AAR2: variants seen among roughly 807,000 people sequenced by gnomAD.
The protein encoded by AAR2 is AAR2 splicing factor.
In AAR2, 31 loss-of-function variants were observed where a neutral mutation model predicts 26.9. That is an observed-to-expected ratio of 1.15 (90% confidence interval 0.86 to 1.55). The LOEUF (loss-of-function observed/expected upper bound fraction) is 1.55. AAR2 is among the 40% of genes most tolerant of loss of function. AAR2 has a pLI of 0.00. For missense variants in AAR2, 430 were observed against 491.3 expected, an observed-to-expected ratio of 0.88 and a Z score of 1.18; for synonymous variants, 188 against 196.1, an observed-to-expected ratio of 0.96 and a Z score of 0.34.
At chr20:36,245,191 T>G (rs1374089882) in intron 3 of AAR2, among the ~76,000 whole-genome samples, 3 of 152,162 alleles carry the variant, frequency 2.0e-5, no homozygotes, top group Admixed American at 2.0e-4. Flanking sequence ...CTCCCACTGC[T>G]TTGGTTTACT....
rs146048639 is a variant in AAR2 at position 36,245,482 on chromosome 20, G to A, written c.987+556G>A. Among the ~76,000 whole-genome samples the A allele has an allele frequency of 9.2e-3, 1,400 of 152,292 alleles. 27 individuals carry two copies. The highest frequency in any genetic ancestry group is 0.031 in the African/African-American group (1,306 of 41,554). On this transcript the variant is annotated intron_variant, in intron 3 of 3. Transcript: ENST00000320849. ...AAACAACTTACAATCTTCATCCTAT[G>A]CTATTTCCTCCCTTTGCAAACAGAT... is the stretch of plus-strand genomic sequence containing the variant.
At chr20:36,254,452 G>T (rs2064803601) in intron 3 of AAR2, among the ~76,000 whole-genome samples, 1 of 149,262 alleles carries the variant, frequency 6.7e-6, no homozygotes, top group Non-Finnish European at 1.5e-5. Flanking sequence ...GAGGAGGGAA[G>T]GGGGATAGGG....
At chr20:36,250,333 G>A (rs1421027097) in intron 3 of AAR2, among the ~76,000 whole-genome samples, 1 of 152,158 alleles carries the variant, frequency 6.6e-6, no homozygotes, top group East Asian at 1.9e-4. Context: ...TATTTCAAAA[G>A]TATTTTTTAA....
At chr20:36,240,921 G>A (rs919724399) in intron 2 of AAR2, among the ~76,000 whole-genome samples, 1 of 152,136 alleles carries the variant, frequency 6.6e-6, no homozygotes, top group Non-Finnish European at 1.5e-5. Flanking sequence ...AAAAGATTTG[G>A]CCCACTGAGT....
In AAR2 at chr20:36,239,878, G is replaced by T; in HGVS notation, c.10G>T (p.Val4Leu). MAA[V>L]QMDPELAKRL... ...ACCCACCACTGGCCCCATGGCTGCC[G>T]TGCAGATGGATCCTGAGCTAGCCAA... is the stretch of plus-strand genomic sequence containing the variant. The change falls in exon 2 of 4, where the codon GTG becomes TTG. Residue 4 changes from valine to leucine, a missense_variant. Transcript: ENST00000320849. The T allele has an allele frequency of 6.3e-7, 1 of 1,589,984 alleles. No homozygotes were observed. The highest frequency in any genetic ancestry group is 8.6e-7 in the Non-Finnish European group (1 of 1,162,534).
chr20:36,239,761 T>G, intron 1 of AAR2, 60 bp from the exon 2 acceptor site: 1 of 1,348,526 alleles, frequency 7.4e-7, no homozygotes, highest in Non-Finnish European at 1.0e-6. Context: ...TACAGAATGC[T>G]TAGCAAATGA....
In AAR2 at chr20:36,244,757, A is replaced by G. The variant is rs1042212591; in HGVS notation, c.818A>G (p.His273Arg). ...LLGNVYEAFE[H>R]WKRLLNLLCR... ...GGGAATGTGTACGAGGCATTTGAGC[A>G]TTGGAAGCGGCTCCTGAACCTCCTG... Residue 273 changes from histidine (H) to arginine (R), a missense_variant, in exon 3 of 4, where the codon CAT (histidine) becomes CGT (arginine). Transcript: ENST00000320849. The G allele has an allele frequency of 6.2e-7, 1 of 1,614,140 alleles. No individual in the cohort carries two copies. The highest frequency in any genetic ancestry group is 1.6e-4 in the Middle Eastern group (1 of 6,062).
Position 36,255,893 on chromosome 20 carries a change from G to A in AAR2, c.*148G>A. ...TGGAGCCAGAATTCCCTTTTTCACT[G>A]ATAAATATATTTCTTCATTGCCAAA... On this transcript the variant is annotated 3_prime_UTR_variant, in exon 4 of 4. Transcript: ENST00000320849. 1.9e-6 allele frequency: 2 copies of A among 1,037,770 alleles called. No homozygotes were observed. The highest frequency in any genetic ancestry group is 2.7e-6 in the Non-Finnish European group (2 of 734,780). 64.3% of individuals were successfully genotyped at this position (1,037,770 alleles called of 1,614,324 possible).
chr20:36,238,859 CTG>C, intron 1 of AAR2, among the ~76,000 whole-genome samples: 1 of 151,864 alleles, frequency 6.6e-6, no homozygotes, highest in Admixed American at 6.6e-5. Flanking sequence ...AGGGCAGTGA[CTG>C]TCTTAATCTG....
rs1382097118 is a variant in AAR2 at position 36,256,598 on chromosome 20, G to A, written c.*853G>A. On this transcript the variant is annotated 3_prime_UTR_variant, in exon 4 of 4. Coordinates refer to ENST00000320849, the MANE Select transcript of AAR2 (RefSeq NM_001271874.2). ...CTTCTTAAGGCCTTTACGAAGTTTT[G>A]TGCCTTCCAAGTGCTGAAGAAGACC... 2 of 152,216 alleles carry A rather than the reference G, an allele frequency of 1.3e-5. No individual in the cohort carries two copies. The highest frequency in any genetic ancestry group is 2.9e-5 in the Non-Finnish European group (2 of 68,048). 9.4% of individuals were successfully genotyped at this position (152,216 alleles called of 1,614,324 possible).
chr20:36,247,714 C>A (rs61559215), intron 3 of AAR2, among the ~76,000 whole-genome samples: 582 of 152,054 alleles, frequency 3.8e-3, no homozygotes, highest in African/African-American at 0.013. Flanking sequence ...ACTAAAAATA[C>A]AAAAATTAGC....
intron 3 of AAR2, among the ~76,000 whole-genome samples, chr20:36,247,202 G>C (rs1210557801): frequency 2.6e-5 from 4 of 152,196 alleles, no homozygotes; most frequent in African/African-American, 7.2e-5. Flanking sequence ...GCAGTAAGCA[G>C]GTAGCAGTAA....
At chr20:36,254,530 G>A (rs1249622175) in intron 3 of AAR2, among the ~76,000 whole-genome samples, 1 of 152,038 alleles carries the variant, frequency 6.6e-6, no homozygotes, top group Non-Finnish European at 1.5e-5. Flanking sequence ...AGGGAAGGGG[G>A]AGTTGCTGTT....
rs777915080 is a variant in AAR2, at chr20:36,240,487, C to T, written c.619C>T (p.Arg207Cys). ...EMKPRAGTEI[R>C]FSELPTQMFP... The stretch of plus-strand genomic sequence containing the variant: ...GAAGCCCAGAGCCGGGACAGAGATC[C>T]GCTTCTCAGAGCTGCCCACGCAGAT... The change falls in exon 2 of 4, where the codon CGC becomes TGC. Residue 207 changes from arginine to cysteine, a missense_variant. By Grantham distance (180) the Arg-to-Cys change is radical (BLOSUM62 -3). Transcript: ENST00000320849. 50 of 1,613,998 alleles carry T rather than the reference C, an allele frequency of 3.1e-5. No individual in the cohort carries two copies. Among genetic ancestry groups the T allele is most frequent in the African/African-American group, 4.0e-5 (3 of 74,918 alleles).
At chr20:36,242,364 T>TTGTTG (rs2064691334) in intron 2 of AAR2, among the ~76,000 whole-genome samples, 1 of 145,156 alleles carries the variant, frequency 6.9e-6, no homozygotes, top group South Asian at 2.2e-4. Context: ...AGGTACATCT[T>TTGTTG]TTGTTGTTGT....
chr20:36,237,706 T>C (rs1336501084), intron 1 of AAR2, among the ~76,000 whole-genome samples: 1 of 151,296 alleles, frequency 6.6e-6, no homozygotes, highest in African/African-American at 2.4e-5. Flanking sequence ...TCAGCAAATA[T>C]TAAATACTTT....
intron 3 of AAR2, among the ~76,000 whole-genome samples, chr20:36,250,039 T>A (rs1192543165): frequency 6.6e-6 from 1 of 152,196 alleles, no homozygotes; most frequent in Non-Finnish European, 1.5e-5. Flanking sequence ...ATTGAAAAAA[T>A]TAGGAAATGT....
intron 3 of AAR2, among the ~76,000 whole-genome samples, chr20:36,250,977 A>C (rs1216638346): frequency 1.3e-5 from 2 of 152,136 alleles, no homozygotes; most frequent in Non-Finnish European, 2.9e-5. Context: ...TGCGTGGATC[A>C]CTTGAGCCCA....
chr20:36,238,530 G>A (rs565903484), intron 1 of AAR2, among the ~76,000 whole-genome samples: 1 of 152,202 alleles, frequency 6.6e-6, no homozygotes, highest in East Asian at 1.9e-4. Context: ...GCCGAGGCGG[G>A]CAGATCACTG....
Sources: gnomAD v4.1 joint callset for allele counts (sites outside exome capture counted in the v4.1 genomes callset) on GRCh38, gnomAD v4.1.1 for gene constraint, MANE v1.5 for transcripts, NCBI Gene and HGNC (gene_info 2026-07-23, HGNC 2026-07-21) for gene names.